The following AFF3 variants were observed in gnomAD, a reference collection of about 807,000 sequenced individuals.
AFF3 encodes the protein AF4/FMR2 family member 3.
Under a neutral mutation model 129.7 loss-of-function variants are expected in AFF3, and 32 were observed. The ratio of observed to expected loss-of-function variants is 0.25; its 90% CI spans 0.19 to 0.33. The LOEUF (loss-of-function observed/expected upper bound fraction) is 0.33. AFF3 is among the 10% of genes least tolerant of loss of function. AFF3 has a pLI of 1.00. For missense variants in AFF3, 1,373 were observed against 1,592.0 expected (o/e 0.86, Z 2.34); for synonymous variants, 644 against 635.4 (o/e 1.01, Z -0.20).
At chr2:100,131,401 C>A (rs1692424613) in intron 1 of AFF3, among the ~76,000 whole-genome samples, 1 of 152,174 alleles carries the variant, frequency 6.6e-6, no homozygotes, top group Non-Finnish European at 1.5e-5. Context: ...GACTACCACA[C>A]ACCCCAGGGA....
At chr2:100,033,246 G>T (rs1684655135) in intron 4 of AFF3, among the ~76,000 whole-genome samples, 1 of 151,992 alleles carries the variant, frequency 6.6e-6, no homozygotes, top group Non-Finnish European at 1.5e-5. Context: ...AACATACAGG[G>T]TTAGCAAGAA....
Position 99,689,158 on chromosome 2 carries a change from C to T in AFF3, c.1092-16569G>A, listed in dbSNP as rs1185685787. Reference sequence around the variant, plus strand: ...TACATTTCATTTCTCACTGGCATAACTAACTCCTCTCTTCAGTCCCTTCTC... The same window carrying T: ...TACATTTCATTTCTCACTGGCATAATTAACTCCTCTCTTCAGTCCCTTCTC... On this transcript the variant is annotated intron_variant, in intron 11 of 24. Coordinates refer to ENST00000672756, the MANE Select transcript of AFF3 (RefSeq NM_001386135.1). Among the ~76,000 whole-genome samples the T allele has an allele frequency of 3.3e-5, 5 of 152,160 alleles. No individual in the cohort carries two copies. The East Asian group carries it at 9.6e-4, about 29-fold the overall frequency.
chr2:99,616,703 C>T (rs1311783689), intron 13 of AFF3, among the ~76,000 whole-genome samples: 2 of 152,054 alleles, frequency 1.3e-5, no homozygotes, highest in African/African-American at 4.8e-5. Flanking sequence ...TTGCAGTGAG[C>T]CGAGATCGCG....
At chr2:99,590,968 A>T (rs1274653393) in intron 15 of AFF3, among the ~76,000 whole-genome samples, 1 of 151,068 alleles carries the variant, frequency 6.6e-6, no homozygotes, top group Non-Finnish European at 1.5e-5. Flanking sequence ...ATTGCACTCC[A>T]GCCTGGGCAA....
chr2:99,816,600 G>C lies in AFF3; in HGVS notation c.921+20877C>G, dbSNP rs181687230. ...CTATGAGTGTCCCTCCTTGGCTTTG[G>C]GTCTCCCTTTGCATGGTTCTCCAAG... On this transcript the variant is annotated intron_variant, in intron 8 of 24. Coordinates refer to ENST00000672756, the MANE Select transcript of AFF3 (RefSeq NM_001386135.1). Among the ~76,000 whole-genome samples the C allele has an allele frequency of 5.3e-5, 8 of 152,124 alleles. No homozygotes were observed. In the East Asian group the frequency reaches 1.5e-3, roughly 29 times the overall value.
chr2:100,114,826 G>A (rs932420405), intron 2 of AFF3, among the ~76,000 whole-genome samples: 68 of 152,216 alleles, frequency 4.5e-4, no homozygotes, highest in African/African-American at 1.6e-3. Context: ...AAGCCCCCGT[G>A]TTGAGTTCAT....
chr2:99,880,948 G>A (rs927996335), intron 7 of AFF3, among the ~76,000 whole-genome samples: 2 of 152,142 alleles, frequency 1.3e-5, no homozygotes, highest in African/African-American at 4.8e-5. Context: ...GGTTCAGATG[G>A]GGGCAGACAG....
intron 11 of AFF3, among the ~76,000 whole-genome samples, chr2:99,701,453 G>A (rs569476451): frequency 7.9e-5 from 12 of 152,306 alleles, no homozygotes; most frequent in Admixed American, 7.2e-4. Flanking sequence ...CACAAAAATA[G>A]AAAGCTGCTT....
At chr2:99,561,156 A>T (rs1471821326) in intron 20 of AFF3, among the ~76,000 whole-genome samples, 1 of 152,274 alleles carries the variant, frequency 6.6e-6, no homozygotes, top group Non-Finnish European at 1.5e-5. Flanking sequence ...GTAAGTGCTT[A>T]GACAAATGTA....
rs377130254 is a variant in AFF3, at chr2:99,966,239, G to A, written c.873+40393C>T. On this transcript the variant is annotated intron_variant, in intron 7 of 24. Transcript: ENST00000672756. Reference sequence around the variant, plus strand: ...CAACTAAATTAGATGGACTTAATAGGTTTGTACTTAAAGATAAAGTAAAAC... The same window carrying A: ...CAACTAAATTAGATGGACTTAATAGATTTGTACTTAAAGATAAAGTAAAAC... Among the ~76,000 whole-genome samples, 3 of 152,216 alleles carry A rather than the reference G, an allele frequency of 2.0e-5. No homozygotes were observed. In the East Asian group the frequency reaches 5.8e-4, roughly 29 times the overall value.
chr2:99,887,514 T>A (rs72951684), intron 7 of AFF3, among the ~76,000 whole-genome samples: 1,636 of 152,328 alleles, frequency 0.011, 28 homozygotes, highest in African/African-American at 0.036. Flanking sequence ...TCACAAAATA[T>A]CATAGTATTA....
At chr2:99,575,285 G>A (rs1418597776) in intron 18 of AFF3, among the ~76,000 whole-genome samples, 1 of 151,944 alleles carries the variant, frequency 6.6e-6, no homozygotes, top group Non-Finnish European at 1.5e-5. Context: ...TTAAGATGGA[G>A]TTTCACTCTT....
intron 7 of AFF3, among the ~76,000 whole-genome samples, chr2:99,921,947 G>T (rs1197997299): frequency 6.6e-6 from 1 of 152,064 alleles, no homozygotes; most frequent in Non-Finnish European, 1.5e-5. Context: ...TGGCCAATAA[G>T]CACATGAAAA....
intron 17 of AFF3, among the ~76,000 whole-genome samples, chr2:99,580,288 A>G (rs1677406667): frequency 6.6e-6 from 1 of 152,002 alleles, no homozygotes; most frequent in African/African-American, 2.4e-5. Context: ...CCTTTTTTTA[A>G]AATAAAGTTT....
chr2:99,695,846 A>C (rs1327552507), intron 11 of AFF3, among the ~76,000 whole-genome samples: 2 of 149,824 alleles, frequency 1.3e-5, no homozygotes, highest in Non-Finnish European at 3.0e-5. Context: ...GCAATAAAAT[A>C]TCTCTGAAAC....
chr2:99,566,856 A>G (rs1429565290), intron 19 of AFF3, among the ~76,000 whole-genome samples: 1 of 152,250 alleles, frequency 6.6e-6, no homozygotes, highest in Non-Finnish European at 1.5e-5. Flanking sequence ...AAACTTCATT[A>G]GTAATGATAG....
At chr2:99,883,468 C>CTCAG (rs1434630994) in intron 7 of AFF3, among the ~76,000 whole-genome samples, 5 of 152,310 alleles carry the variant, frequency 3.3e-5, no homozygotes, top group Admixed American at 1.3e-4. Context: ...CCCAGCTGAA[C>CTCAG]TCAGAATCTC....
At chr2:99,625,984 A>G (rs1558662214) in intron 13 of AFF3, among the ~76,000 whole-genome samples, 1 of 152,232 alleles carries the variant, frequency 6.6e-6, no homozygotes, top group Non-Finnish European at 1.5e-5. Context: ...TAGAATTTCT[A>G]TAAAAAGAAA....
intron 21 of AFF3, among the ~76,000 whole-genome samples, chr2:99,559,621 C>T (rs1217060545): frequency 2.0e-5 from 3 of 152,086 alleles, no homozygotes; most frequent in East Asian, 3.9e-4. Context: ...TTGAAAGGGG[C>T]ACAAAAGGCG....
Sources: allele counts gnomAD v4.1 joint callset (sites outside exome capture counted in the v4.1 genomes callset), GRCh38; gene constraint gnomAD v4.1.1; transcripts MANE v1.5; gene names NCBI Gene and HGNC (gene_info 2026-07-23, HGNC 2026-07-21).